JMJD1C: variants seen among roughly 807,000 people sequenced by gnomAD.
JMJD1C encodes the protein jumonji domain containing 1C.
JMJD1C carries 31 observed loss-of-function variants against 245.3 expected under a neutral mutation model. That is an observed-to-expected ratio of 0.13 (90% CI 0.09 to 0.17). The LOEUF is 0.17. Among genes scored for constraint, JMJD1C ranks in the 10% least tolerant of loss-of-function variants. JMJD1C has a pLI of 1.00. For missense variants in JMJD1C, 2,691 were observed against 3,000.2 expected, an observed-to-expected ratio of 0.90 and a Z score of 2.41; for synonymous variants, 1,057 against 1,017.4, an observed-to-expected ratio of 1.04 and a Z score of -0.74.
intron 1 of JMJD1C, among the ~76,000 whole-genome samples, chr10:63,422,473 T>C (rs1172672287): frequency 6.6e-6 from 1 of 152,184 alleles, no homozygotes; most frequent in Non-Finnish European, 1.5e-5. Flanking sequence ...ATAGATCTAT[T>C]TTACCTTTTT....
At chr10:63,344,167 G>T (rs1473904306) in intron 2 of JMJD1C, among the ~76,000 whole-genome samples, 1 of 152,166 alleles carries the variant, frequency 6.6e-6, no homozygotes, top group African/African-American at 2.4e-5. Flanking sequence ...CATGCCTACA[G>T]CAACTTCCAG....
chr10:63,454,493 A>G (rs563009448), intron 1 of JMJD1C, among the ~76,000 whole-genome samples: 20 of 152,098 alleles, frequency 1.3e-4, no homozygotes, highest in African/African-American at 4.6e-4. Flanking sequence ...GTACGATCTC[A>G]GCTCACGGCA....
intron 2 of JMJD1C, among the ~76,000 whole-genome samples, chr10:63,297,163 C>T (rs1006245154): frequency 4.6e-5 from 7 of 152,210 alleles, no homozygotes; most frequent in Admixed American, 3.9e-4. Context: ...CGGTGGCTCA[C>T]GCCTGTAATC....
intron 3 of JMJD1C, among the ~76,000 whole-genome samples, chr10:63,260,647 T>TG (rs1854585526): frequency 6.6e-6 from 1 of 152,104 alleles, no homozygotes; most frequent in Non-Finnish European, 1.5e-5. Context: ...TAGAGTGCAG[T>TG]GGCGCGGTCT....
chr10:63,461,678 A>G (rs1952809239), intron 1 of JMJD1C, among the ~76,000 whole-genome samples: 1 of 152,168 alleles, frequency 6.6e-6, no homozygotes, highest in African/African-American at 2.4e-5. Flanking sequence ...TTTAATACAC[A>G]GTATGATTTT....
At chr10:63,423,591 T>C (rs1159524135) in intron 1 of JMJD1C, among the ~76,000 whole-genome samples, 2 of 152,236 alleles carry the variant, frequency 1.3e-5, no homozygotes, top group Admixed American at 6.5e-5. Context: ...GCCTTTTGTC[T>C]ATTTTGAATA....
chr10:63,271,317 T>C (rs997762987), intron 2 of JMJD1C, among the ~76,000 whole-genome samples: 5 of 150,788 alleles, frequency 3.3e-5, no homozygotes, highest in South Asian at 2.1e-4. Context: ...GCTGGGACTA[T>C]AGACACGCGC....
chr10:63,359,079 T>C (rs1353685858), intron 2 of JMJD1C: 4 of 153,296 alleles, frequency 2.6e-5, no homozygotes, highest in African/African-American at 7.2e-5. Context: ...CCTGTTATAC[T>C]AGAATATTTG....
At chr10:63,405,256 A>G (rs1299291877) in intron 1 of JMJD1C, among the ~76,000 whole-genome samples, 4 of 151,968 alleles carry the variant, frequency 2.6e-5, no homozygotes, top group Non-Finnish European at 5.9e-5. Flanking sequence ...TATCTGTTAC[A>G]CAGCTAATAC....
intron 2 of JMJD1C, among the ~76,000 whole-genome samples, chr10:63,314,416 C>T (rs747925296): frequency 6.6e-6 from 1 of 152,128 alleles, no homozygotes; most frequent in African/African-American, 2.4e-5. Flanking sequence ...AAAAGTTAGC[C>T]AGCCATAGTG....
intron 1 of JMJD1C, among the ~76,000 whole-genome samples, chr10:63,482,633 C>T (rs1953864497): frequency 6.6e-6 from 1 of 151,438 alleles, no homozygotes; most frequent in African/African-American, 2.4e-5. Flanking sequence ...AAGACTTCAT[C>T]TCAAAAAAAA....
intron 2 of JMJD1C, among the ~76,000 whole-genome samples, chr10:63,291,237 G>A (rs1858649286): frequency 6.7e-6 from 1 of 148,664 alleles, no homozygotes; most frequent in Admixed American, 6.7e-5. Flanking sequence ...GAACCCGGGA[G>A]GCAGAGGTTG....
chr10:63,297,704 C>A (rs1261311098), intron 2 of JMJD1C, among the ~76,000 whole-genome samples: 1 of 152,152 alleles, frequency 6.6e-6, no homozygotes. Flanking sequence ...CAGGTAGCCA[C>A]CCCATGGGAT....
chr10:63,291,985 C>A (rs907824234), intron 2 of JMJD1C, among the ~76,000 whole-genome samples: 1 of 151,856 alleles, frequency 6.6e-6, no homozygotes, highest in Admixed American at 6.6e-5. Flanking sequence ...GGGTCCCACT[C>A]TGTTGCCTAG....
chr10:63,392,919 G>A (rs912675244), intron 1 of JMJD1C, among the ~76,000 whole-genome samples: 3 of 113,224 alleles, frequency 2.6e-5, no homozygotes, highest in South Asian at 2.9e-4. Flanking sequence ...CGTGAGCAAA[G>A]GACATAAACA....
At chr10:63,187,130 T>A (rs1427833562) in intron 18 of JMJD1C, among the ~76,000 whole-genome samples, 1 of 152,152 alleles carries the variant, frequency 6.6e-6, no homozygotes, top group East Asian at 1.9e-4. Context: ...ATTTTTTTTT[T>A]AATTACAAAA....
rs768345019 is a variant in JMJD1C, at chr10:63,168,576, A to G, written c.7402-10T>C. 4.5e-6 allele frequency: 7 copies of G among 1,558,604 alleles called. No individual in the cohort carries two copies. The African/African-American group carries it at 7.0e-5, about 16-fold the overall frequency. On this transcript the variant is annotated splice_polypyrimidine_tract_variant and intron_variant, in intron 24 of 25. Transcript: ENST00000399262. ...TGTGAAAATTCTGAACCTATCCCCA[A>G]AAGAAAAACCGTGAAATACAAGTTT...
Position 63,490,036 on chromosome 10 carries a change from T to C in JMJD1C, n.113+31702A>G, listed in dbSNP as rs943554019. 1.0e-3 allele frequency among the ~76,000 whole-genome samples: 154 copies of C among 152,328 alleles called. 2 individuals carry two copies. The highest frequency in any genetic ancestry group is 3.6e-3 in the African/African-American group (149 of 41,568). ...AAGGATCTAGGTTGCATGTTCCTTA[T>C]GAGAATCTAATGCCTGATGATCTGG... On this transcript the variant is annotated intron_variant and non_coding_transcript_variant, in intron 1 of 3. Transcript: ENST00000633035.
intron 2 of JMJD1C, among the ~76,000 whole-genome samples, chr10:63,335,452 T>C (rs1351940026): frequency 2.0e-5 from 3 of 152,220 alleles, no homozygotes; most frequent in African/African-American, 7.2e-5. Flanking sequence ...TGATTCCAAA[T>C]ATAATTCCCC....
Sources: allele counts gnomAD v4.1 joint callset (sites outside exome capture counted in the v4.1 genomes callset), GRCh38; gene constraint gnomAD v4.1.1; transcripts MANE v1.5; gene names NCBI Gene and HGNC (gene_info 2026-07-23, HGNC 2026-07-21).